Variants in ANKS1B observed in about 807,000 individuals in gnomAD.
ANKS1B encodes the protein ankyrin repeat and sterile alpha motif domain-containing protein 1B.
ANKS1B carries 36 observed loss-of-function variants against 148.3 expected under a neutral mutation model. The observed-to-expected ratio is 0.24, with a 90% CI of 0.19 to 0.32. The LOEUF (loss-of-function observed/expected upper bound fraction) is 0.32, where lower values mean the gene tolerates loss of function less well. Ranked by LOEUF, ANKS1B falls within the 10% of genes least tolerant of loss-of-function variation. ANKS1B has a pLI of 1.00. For missense variants in ANKS1B, 1,157 were observed against 1,542.6 expected, an observed-to-expected ratio of 0.75 and a Z score of 4.19; for synonymous variants, 542 against 560.8, an observed-to-expected ratio of 0.97 and a Z score of 0.47.
In ANKS1B at chr12:98,751,430, G is replaced by A; in HGVS notation, c.3672C>T (p.Ser1224=). The A allele has an allele frequency of 6.2e-7, 1 of 1,614,008 alleles. No individual in the cohort carries two copies. The change falls in exon 26 of 27, where the codon TCC becomes TCT. Residue 1224 remains serine, a synonymous_variant. Coordinates refer to ENST00000683438, the MANE Select transcript of ANKS1B (RefSeq NM_001352186.2). This position sits in a 1 kb window ranked among gnomAD's most constrained non-coding sequence, Gnocchi z 4.3. ...TGTTTTCAAAGCTTTCTGGAAGTGT[G>A]GAGGAGTGTCCCCCTTTTCTTGCTT... ...ALQARKGGHS[S]TLPESFENKP...
At chr12:99,086,776 A>C (rs2051992023) in intron 15 of ANKS1B, among the ~76,000 whole-genome samples, 1 of 152,226 alleles carries the variant, frequency 6.6e-6, no homozygotes, top group South Asian at 2.1e-4. Flanking sequence ...ATAGAGGTTC[A>C]AGAATTCAGA....
intron 4 of ANKS1B, among the ~76,000 whole-genome samples, chr12:99,797,112 G>C (rs1013090679): frequency 3.9e-5 from 6 of 151,926 alleles, no homozygotes; most frequent in Non-Finnish European, 8.8e-5. Flanking sequence ...ATAGTGTACA[G>C]AATGTAAATA....
intron 2 of ANKS1B, among the ~76,000 whole-genome samples, chr12:99,819,758 A>T (rs1400181755): frequency 6.6e-6 from 1 of 151,720 alleles, no homozygotes; most frequent in Non-Finnish European, 1.5e-5. Flanking sequence ...GTTTAATATA[A>T]CCTCACAGGG....
intron 8 of ANKS1B, among the ~76,000 whole-genome samples, chr12:99,754,249 C>CA (rs1393544905): frequency 6.6e-6 from 1 of 151,908 alleles, no homozygotes; most frequent in Non-Finnish European, 1.5e-5. Flanking sequence ...TAACAAAGAT[C>CA]AAAAAAGACA....
At position 99,053,295 on chromosome 12, in the gene ANKS1B, C is replaced by T. The variant is rs764353854; in HGVS notation, c.2640G>A (p.Gly880=). 6.3e-5 allele frequency: 102 copies of T among 1,606,880 alleles called. No individual in the cohort carries two copies. The highest frequency in any genetic ancestry group is 8.5e-5 in the Non-Finnish European group (100 of 1,176,858). ...IQLLPKMRPI[G]HDGYHPTSVA... Reference sequence around the variant, plus strand: ...CAGAGGTGGGATGGTAGCCATCATGCCCAATGGGTCTCATCTGTAATAAAG... The same window carrying T: ...CAGAGGTGGGATGGTAGCCATCATGTCCAATGGGTCTCATCTGTAATAAAG... Residue 880 remains glycine, a synonymous_variant, in exon 17 of 27, where the codon GGG becomes GGA. Transcript: ENST00000683438.
intron 8 of ANKS1B, among the ~76,000 whole-genome samples, chr12:99,681,858 A>G (rs1487832680): frequency 6.6e-6 from 1 of 152,204 alleles, no homozygotes. Context: ...ATTGCCAGGA[A>G]AATAATTCAG....
At chr12:99,220,431 A>T (rs1016728400) in intron 14 of ANKS1B, among the ~76,000 whole-genome samples, 1 of 151,572 alleles carries the variant, frequency 6.6e-6, no homozygotes, top group Admixed American at 6.6e-5. Context: ...CATCAAGCAT[A>T]CAATAAAAGT....
At chr12:98,922,591 T>C (rs1596992197) in intron 17 of ANKS1B, among the ~76,000 whole-genome samples, 1 of 152,100 alleles carries the variant, frequency 6.6e-6, no homozygotes, top group African/African-American at 2.4e-5. Context: ...CTCTGCCTCC[T>C]GGGTTCAAGC....
downstream of ANKS1B, among the ~76,000 whole-genome samples, chr12:98,740,277 G>A (rs920535020): frequency 2.0e-5 from 3 of 152,184 alleles, no homozygotes; most frequent in African/African-American, 7.2e-5. Context: ...GGTGATTCCA[G>A]TGTGCAGTGG....
At chr12:99,778,236 T>C (rs529265414) in intron 6 of ANKS1B, among the ~76,000 whole-genome samples, 7 of 150,750 alleles carry the variant, frequency 4.6e-5, no homozygotes, top group African/African-American at 1.7e-4. Context: ...GGCTGGGCGC[T>C]GTGGCTCATG....
intron 1 of ANKS1B, among the ~76,000 whole-genome samples, chr12:99,860,762 G>C (rs532238398): frequency 1.2e-4 from 19 of 152,168 alleles, no homozygotes; most frequent in Admixed American, 2.6e-4. Context: ...TTTTAAAACA[G>C]AGAGTAAGGC....
At chr12:99,894,367 G>T (rs555294906) in intron 1 of ANKS1B, among the ~76,000 whole-genome samples, 1 of 149,090 alleles carries the variant, frequency 6.7e-6, no homozygotes, top group South Asian at 2.1e-4. Flanking sequence ...AAATTAGCCA[G>T]GTGTGGTAGT....
intron 10 of ANKS1B, among the ~76,000 whole-genome samples, chr12:99,465,104 C>T (rs1205767137): frequency 2.6e-5 from 4 of 152,232 alleles, no homozygotes; most frequent in South Asian, 2.1e-4. Flanking sequence ...TCTGCAGAAA[C>T]TCTACAAGCC....
In ANKS1B at chr12:99,545,859, A is replaced by G. The variant is rs149897624; in HGVS notation, c.1273-41218T>C. 3.5e-3 allele frequency among the ~76,000 whole-genome samples: 534 copies of G among 151,418 alleles called. 4 individuals are homozygous for G. Among genetic ancestry groups the G allele is most frequent in the African/African-American group, 0.011 (447 of 41,390 alleles). The stretch of plus-strand genomic sequence containing the variant: ...TTTTCCTCAATGACATTGAGACTTT[A>G]CCTATATCCAATAACATTTGCCTTC... On this transcript the variant is annotated intron_variant, in intron 9 of 26. Coordinates refer to ENST00000683438, the MANE Select transcript of ANKS1B (RefSeq NM_001352186.2).
At chr12:99,175,843 A>G (rs898842479) in intron 14 of ANKS1B, among the ~76,000 whole-genome samples, 8 of 152,006 alleles carry the variant, frequency 5.3e-5, no homozygotes, top group African/African-American at 1.7e-4. Flanking sequence ...TTATTTATTT[A>G]CTTATTTTTA....
At chr12:99,462,395 C>G (rs922071632) in intron 10 of ANKS1B, among the ~76,000 whole-genome samples, 3 of 152,174 alleles carry the variant, frequency 2.0e-5, no homozygotes, top group Non-Finnish European at 4.4e-5. Flanking sequence ...CCCTAGGGAG[C>G]CTTTGGATGG....
intron 12 of ANKS1B, among the ~76,000 whole-genome samples, chr12:99,280,214 GAGAA>G (rs1211265081): frequency 4.9e-4 from 74 of 151,692 alleles, no homozygotes; most frequent in African/African-American, 1.7e-3. Flanking sequence ...GAGAGAGAGA[GAGAA>G]AGAGAAAGAG....
intron 10 of ANKS1B, among the ~76,000 whole-genome samples, chr12:99,475,047 G>C (rs2096295037): frequency 6.6e-6 from 1 of 151,382 alleles, no homozygotes; most frequent in Admixed American, 6.6e-5. Flanking sequence ...GATCAGCCTG[G>C]CCAACATGGT....
chr12:99,071,244 G>A (rs531837002), intron 16 of ANKS1B, among the ~76,000 whole-genome samples: 1 of 152,182 alleles, frequency 6.6e-6, no homozygotes, highest in South Asian at 2.1e-4. Context: ...ACTGTGTCTT[G>A]GGACATAAGT....
Sources: gnomAD v4.1 joint callset for allele counts (sites outside exome capture counted in the v4.1 genomes callset) on GRCh38, gnomAD v4.1.1 for gene constraint, Gnocchi (gnomAD v3.1) non-coding constraint, MANE v1.5 for transcripts, NCBI Gene and HGNC (gene_info 2026-07-23, HGNC 2026-07-21) for gene names.